GFRA1: variants seen among roughly 807,000 people sequenced by gnomAD.
GFRA1 encodes the protein GDNF family receptor alpha-1.
GFRA1 carries 16 observed loss-of-function variants against 51.6 expected under a neutral mutation model. The observed-to-expected ratio is 0.31, with a 90% CI of 0.21 to 0.47. The LOEUF (loss-of-function observed/expected upper bound fraction) is 0.47, where lower values mean the gene tolerates loss of function less well. Among genes scored for constraint, GFRA1 ranks in the 20% least tolerant of loss-of-function variants. GFRA1 has a pLI of 1.00. For missense variants in GFRA1, 530 were observed against 594.3 expected (o/e 0.89, Z 1.13); for synonymous variants, 270 against 241.3 (o/e 1.12, Z -1.10).
intron 5 of GFRA1, among the ~76,000 whole-genome samples, chr10:116,135,216 C>T: frequency 6.6e-6 from 1 of 152,140 alleles, no homozygotes; most frequent in East Asian, 1.9e-4. Flanking sequence ...GTTTTGGCAG[C>T]TTAGCGTTAT....
rs372316818 is a variant in GFRA1, at chr10:116,082,166, G to A, written c.1197+7575C>T. On this transcript the variant is annotated intron_variant, in intron 9 of 10. Coordinates refer to ENST00000355422, the MANE Select transcript of GFRA1 (RefSeq NM_005264.8). ...TGGTTAAAGAGATGTGGCGGGGACC[G>A]TGGCAGCTAGTTCCACTCTGGTCAC... is the stretch of plus-strand genomic sequence containing the variant. 2.5e-4 allele frequency among the ~76,000 whole-genome samples: 38 copies of A among 152,260 alleles called. 1 individual carries two copies. The South Asian group carries it at 3.9e-3, about 16-fold the overall frequency.
At chr10:116,235,033 C>T (rs936072793) in intron 4 of GFRA1, among the ~76,000 whole-genome samples, 1 of 152,198 alleles carries the variant, frequency 6.6e-6, no homozygotes, top group East Asian at 1.9e-4. Flanking sequence ...CCTGAGGCCT[C>T]CCCAGCCATG....
rs771502937 is a variant in GFRA1, at chr10:116,271,042, C to G, written c.114G>C (p.Lys38Asn). 2 of 1,614,124 alleles carry G rather than the reference C, an allele frequency of 1.2e-6. No homozygotes were observed. The highest frequency in any genetic ancestry group is 1.7e-6 in the Non-Finnish European group (2 of 1,179,954). The change falls in exon 3 of 11, where the codon AAG becomes AAC. Residue 38 changes from lysine to asparagine, a missense_variant. By Grantham distance (94) the Lys-to-Asn change is moderately conservative (BLOSUM62 0). Coordinates refer to ENST00000355422, the MANE Select transcript of GFRA1 (RefSeq NM_005264.8). ...DCVKASDQCLKEQSCSTKYRT... is the reference protein window; with the variant it reads ...DCVKASDQCLNEQSCSTKYRT... ...GGTACTTGGTGCTGCAGCTCTGCTC[C>G]TTCAGGCACTGATCACTGGCTTTCA... is the stretch of plus-strand genomic sequence containing the variant.
chr10:116,268,023 A>G (rs1485235348), intron 4 of GFRA1, among the ~76,000 whole-genome samples: 1 of 152,038 alleles, frequency 6.6e-6, no homozygotes, highest in East Asian at 1.9e-4. Context: ...AATGCTTCTC[A>G]AGCTTCATGT....
intron 5 of GFRA1, among the ~76,000 whole-genome samples, chr10:116,181,335 T>C (rs1387957674): frequency 1.3e-5 from 2 of 151,908 alleles, no homozygotes; most frequent in Non-Finnish European, 2.9e-5. Context: ...GCCCAAGAAG[T>C]TGAAAAAGAT....
rs188221153 is a variant in GFRA1, at chr10:116,237,526, G to T, written c.419-25881C>A. On this transcript the variant is annotated intron_variant, in intron 4 of 10. Transcript: ENST00000355422. ...CTGGCATGATGCCTGTTATGCAGCA[G>T]ACACTGAGTACATACTCGAATAGAT... is the stretch of plus-strand genomic sequence containing the variant. Among the ~76,000 whole-genome samples the T allele has an allele frequency of 3.0e-4, 41 of 137,828 alleles. 1 individual carries two copies. The highest frequency in any genetic ancestry group is 1.5e-3 in the South Asian group (6 of 3,994). 90.4% of individuals were successfully genotyped at this position (137,828 alleles called of 152,430 possible). A position where few individuals can be genotyped will look rare whatever the true frequency, so the allele number is the denominator to read the frequency against.
At chr10:116,196,378 A>C (rs2065951579) in intron 5 of GFRA1, among the ~76,000 whole-genome samples, 1 of 150,308 alleles carries the variant, frequency 6.7e-6, no homozygotes, top group South Asian at 2.1e-4. Flanking sequence ...AATCCCAGCT[A>C]CTAGGGAGGC....
chr10:116,149,711 T>C (rs7071432), intron 5 of GFRA1, among the ~76,000 whole-genome samples: 116,523 of 152,116 alleles, frequency 0.77, 44,949 homozygotes, highest in Admixed American at 0.84. Flanking sequence ...CATGAAGGAA[T>C]TGATGTAGGA....
intron 4 of GFRA1, among the ~76,000 whole-genome samples, chr10:116,223,497 C>A (rs929318701): frequency 6.6e-6 from 1 of 152,178 alleles, no homozygotes; most frequent in African/African-American, 2.4e-5. Context: ...CTATGTGGCT[C>A]CTCTCTCTCC....
intron 4 of GFRA1, among the ~76,000 whole-genome samples, chr10:116,256,548 G>T (rs1968871044): frequency 6.6e-6 from 1 of 152,128 alleles, no homozygotes; most frequent in Non-Finnish European, 1.5e-5. Flanking sequence ...AGCTTCTTAG[G>T]AGCCAGCTCT....
intron 5 of GFRA1, among the ~76,000 whole-genome samples, chr10:116,188,701 T>G (rs1270817701): frequency 1.3e-5 from 2 of 151,596 alleles, no homozygotes; most frequent in African/African-American, 4.8e-5. Context: ...GTAAGGAGTT[T>G]GAGACCAGCT....
At chr10:116,110,397 C>T (rs1227142159) in intron 6 of GFRA1, among the ~76,000 whole-genome samples, 2 of 152,114 alleles carry the variant, frequency 1.3e-5, no homozygotes, top group Non-Finnish European at 2.9e-5. Flanking sequence ...TGCAGGGCAG[C>T]TGGGGTTTAG....
intron 5 of GFRA1, among the ~76,000 whole-genome samples, chr10:116,208,188 C>A (rs953931490): frequency 6.6e-6 from 1 of 151,980 alleles, no homozygotes; most frequent in Non-Finnish European, 1.5e-5. Context: ...TCCTTCTGTC[C>A]TCCCCCAGAT....
chr10:116,250,980 G>A (rs1208245851), intron 4 of GFRA1, among the ~76,000 whole-genome samples: 1 of 152,216 alleles, frequency 6.6e-6, no homozygotes, highest in Non-Finnish European at 1.5e-5. Context: ...GCTCAGAATG[G>A]CCAGTTCCCC....
chr10:116,203,664 C>T (rs1964510391), intron 5 of GFRA1, among the ~76,000 whole-genome samples: 1 of 152,208 alleles, frequency 6.6e-6, no homozygotes, highest in Non-Finnish European at 1.5e-5. Context: ...TTCCCAGAAG[C>T]CTCATAATCT....
chr10:116,070,192 A>G (rs1017346819), intron 9 of GFRA1, among the ~76,000 whole-genome samples: 4 of 152,184 alleles, frequency 2.6e-5, no homozygotes, highest in Non-Finnish European at 5.9e-5. Context: ...CTGATTAGAG[A>G]GATTTGCTAT....
intron 4 of GFRA1, among the ~76,000 whole-genome samples, chr10:116,226,596 T>C (rs760240893): frequency 1.3e-4 from 20 of 151,678 alleles, no homozygotes; most frequent in Non-Finnish European, 2.2e-4. Flanking sequence ...ACTGGTTTCA[T>C]GGAAGACAAT....
chr10:116,145,704 A>C (rs1428596636), intron 5 of GFRA1, among the ~76,000 whole-genome samples: 1 of 152,220 alleles, frequency 6.6e-6, no homozygotes, highest in African/African-American at 2.4e-5. Flanking sequence ...AAAGAATTTA[A>C]AGACAACAGC....
At chr10:116,141,297 C>T (rs906573680) in intron 5 of GFRA1, among the ~76,000 whole-genome samples, 8 of 152,056 alleles carry the variant, frequency 5.3e-5, no homozygotes, top group Non-Finnish European at 1.0e-4. Context: ...TTCTTGGCCA[C>T]CTCCTTTAGA....
Sources: allele counts gnomAD v4.1 joint callset (sites outside exome capture counted in the v4.1 genomes callset), GRCh38; gene constraint gnomAD v4.1.1; transcripts MANE v1.5; gene names NCBI Gene and HGNC (gene_info 2026-07-23, HGNC 2026-07-21).